The following FUT8 variants were observed in gnomAD, a reference collection of about 807,000 sequenced individuals.
The protein encoded by FUT8 is fucosyltransferase 8, also known as alpha-(1,6)-fucosyltransferase.
FUT8 carries 29 observed loss-of-function variants against 71.3 expected under a neutral mutation model. That is an observed-to-expected ratio of 0.41 (90% CI 0.30 to 0.55). The LOEUF (loss-of-function observed/expected upper bound fraction) is 0.55. Ranked by LOEUF, FUT8 falls within the 20% of genes least tolerant of loss-of-function variation. The pLI, the probability that FUT8 is intolerant of heterozygous loss-of-function variation, is 0.34. For synonymous variants in FUT8, 254 were observed against 239.3 expected (o/e 1.06, Z -0.57); for missense variants, 544 against 702.1 (o/e 0.77, Z 2.55).
At chr14:65,585,156 A>G (rs1887313191) in intron 3 of FUT8, among the ~76,000 whole-genome samples, 1 of 152,052 alleles carries the variant, frequency 6.6e-6, no homozygotes, top group Non-Finnish European at 1.5e-5. Flanking sequence ...AACCTACAGA[A>G]TGATTGATTT....
chr14:65,648,755 A>G (rs1891227921), intron 6 of FUT8, among the ~76,000 whole-genome samples: 1 of 152,136 alleles, frequency 6.6e-6, no homozygotes, highest in Non-Finnish European at 1.5e-5. Flanking sequence ...GATTTTTTGC[A>G]TGTTGGAGGT....
the FUT8 span, among the ~76,000 whole-genome samples, chr14:65,395,620 T>C: frequency 3.0e-4 from 45 of 152,350 alleles, no homozygotes; most frequent in Non-Finnish European, 5.1e-4. Flanking sequence ...ACCAAGTTCC[T>C]AGGCTGCACA....
intron 6 of FUT8, among the ~76,000 whole-genome samples, chr14:65,653,940 C>T (rs1271855384): frequency 6.6e-6 from 1 of 152,192 alleles, no homozygotes; most frequent in East Asian, 1.9e-4. Context: ...TCGGAGACTT[C>T]ATTGCCAGCA....
intron 7 of FUT8, among the ~76,000 whole-genome samples, chr14:65,686,574 T>G (rs1293549354): frequency 6.6e-6 from 1 of 152,238 alleles, no homozygotes; most frequent in African/African-American, 2.4e-5. Context: ...AAGAGTTGTT[T>G]TTGTTTTGTT....
In FUT8 at chr14:65,485,358, A is replaced by C. The variant is rs537600711; in HGVS notation, c.-228+29640A>C. ...TCTTTTATTATTAGAAATACTGTTG[A>C]ATTTTGTTCCGGATATGTAGTTATT... On this transcript the variant is annotated intron_variant, in intron 2 of 10. Transcript: ENST00000673929. 5.9e-5 allele frequency among the ~76,000 whole-genome samples: 9 copies of C among 151,982 alleles called. No homozygotes were observed. In the South Asian group the frequency reaches 1.9e-3, roughly 32 times the overall value.
At chr14:65,530,279 A>G (rs146258326) in intron 2 of FUT8, among the ~76,000 whole-genome samples, 1 of 152,310 alleles carries the variant, frequency 6.6e-6, no homozygotes, top group Non-Finnish European at 1.5e-5. Context: ...ATCTCAGGCA[A>G]TTATAGGGCT....
At chr14:65,443,783 C>A (rs1438767180) in intron 1 of FUT8, among the ~76,000 whole-genome samples, 1 of 151,492 alleles carries the variant, frequency 6.6e-6, no homozygotes, top group Non-Finnish European at 1.5e-5. Context: ...AATATAAACT[C>A]CTTGAGTTCA....
At chr14:65,580,770 A>C (rs117015812) in intron 3 of FUT8, among the ~76,000 whole-genome samples, 2,217 of 152,178 alleles carry the variant, frequency 0.015, 43 homozygotes, top group Non-Finnish European at 0.016. Flanking sequence ...CTTATATGAA[A>C]GATTATCTTG....
the FUT8 span, among the ~76,000 whole-genome samples, chr14:65,366,375 A>G: frequency 2.0e-5 from 3 of 152,226 alleles, no homozygotes; most frequent in Admixed American, 6.5e-5. Flanking sequence ...TAAATGGACC[A>G]GACTTAGAAA....
chr14:65,578,703 G>C (rs1028962099), intron 3 of FUT8, among the ~76,000 whole-genome samples: 3 of 152,150 alleles, frequency 2.0e-5, no homozygotes, highest in African/African-American at 7.2e-5. Flanking sequence ...TGGTTGTTTA[G>C]TTTGGAGATC....
intron 2 of FUT8, among the ~76,000 whole-genome samples, chr14:65,507,895 G>A (rs1412347031): frequency 6.6e-6 from 1 of 152,062 alleles, no homozygotes; most frequent in South Asian, 2.1e-4. Context: ...CTTCATAGCA[G>A]TTGTACTAAT....
At chr14:65,565,101 G>T (rs1030268714) in intron 3 of FUT8, among the ~76,000 whole-genome samples, 1 of 151,962 alleles carries the variant, frequency 6.6e-6, no homozygotes, top group East Asian at 1.9e-4. Flanking sequence ...GAGAGTAAGC[G>T]TGTATAAAGA....
intron 10 of FUT8, among the ~76,000 whole-genome samples, chr14:65,735,203 A>C (rs545312288): frequency 3.9e-5 from 5 of 128,762 alleles, no homozygotes; most frequent in African/African-American, 1.4e-4. Flanking sequence ...ATAGAAAGAA[A>C]ATTTTTTGCT....
chr14:65,397,570 G>T, the FUT8 span, among the ~76,000 whole-genome samples: 2 of 152,210 alleles, frequency 1.3e-5, no homozygotes, highest in Non-Finnish European at 2.9e-5. This position sits in a 1 kb window ranked among gnomAD's most constrained non-coding sequence, Gnocchi z 4.2. Context: ...TAGGTGGATT[G>T]CCATGTCTAC....
intron 8 of FUT8, 146 bp downstream of exon 8, chr14:65,722,167 C>T: frequency 4.0e-6 from 4 of 988,512 alleles, no homozygotes; most frequent in Non-Finnish European, 5.8e-6. Flanking sequence ...CCTAAGGTCA[C>T]ATGGAGACTA....
chr14:65,617,687 G>A (rs956706183), intron 5 of FUT8, among the ~76,000 whole-genome samples: 1 of 152,108 alleles, frequency 6.6e-6, no homozygotes. Context: ...GCTCATGCCT[G>A]TAATCCCAGC....
At chr14:65,380,149 C>T in the FUT8 span, among the ~76,000 whole-genome samples, 1 of 152,206 alleles carries the variant, frequency 6.6e-6, no homozygotes, top group Admixed American at 6.5e-5. Context: ...TACATTTCTA[C>T]ATGGCTGGGG....
At chr14:65,680,608 T>G (rs529904425) in intron 7 of FUT8, among the ~76,000 whole-genome samples, 5 of 152,252 alleles carry the variant, frequency 3.3e-5, no homozygotes, top group Non-Finnish European at 5.9e-5. Context: ...GCATGTTGAT[T>G]AGAAAGCTGT....
chr14:65,526,813 C>T (rs1468166110), intron 2 of FUT8, among the ~76,000 whole-genome samples: 1 of 152,116 alleles, frequency 6.6e-6, no homozygotes, highest in African/African-American at 2.4e-5. Flanking sequence ...ATTTCTCCTT[C>T]ACTTATGAAG....
Sources: allele counts gnomAD v4.1 joint callset (sites outside exome capture counted in the v4.1 genomes callset), GRCh38; gene constraint gnomAD v4.1.1; non-coding constraint Gnocchi (gnomAD v3.1); transcripts MANE v1.5; gene names NCBI Gene and HGNC (gene_info 2026-07-23, HGNC 2026-07-21).